Variants in GPLD1 observed in about 807,000 individuals in gnomAD.
GPLD1 encodes phosphatidylinositol-glycan-specific phospholipase D.
A neutral mutation model predicts 112.6 loss-of-function variants in GPLD1; 84 were observed. The ratio of observed to expected loss-of-function variants is 0.75; its 90% CI spans 0.63 to 0.89. GPLD1 has a LOEUF of 0.89. GPLD1 is among the 40% of genes least tolerant of loss of function. The pLI, the probability that GPLD1 is intolerant of heterozygous loss-of-function variation, is 0.00. For synonymous variants in GPLD1, 386 were observed against 403.8 expected, an observed-to-expected ratio of 0.96 and a Z score of 0.53; for missense variants, 1,044 against 1,051.5, an observed-to-expected ratio of 0.99 and a Z score of 0.10.
chr6:24,491,565 G>A (rs748336057), upstream of GPLD1, among the ~76,000 whole-genome samples: 4 of 151,950 alleles, frequency 2.6e-5, no homozygotes, highest in Admixed American at 6.6e-5. Context: ...AAAATTAGCC[G>A]GGCATGGTGG....
Position 24,476,283 on chromosome 6 carries a change from C to G in GPLD1, c.233-5G>C. On this transcript the variant is annotated splice_region_variant and splice_polypyrimidine_tract_variant and intron_variant, in intron 3 of 24. Coordinates refer to ENST00000230036, the MANE Select transcript of GPLD1 (RefSeq NM_001503.4). ...CAGACACATCATGGAATTTTCCTGA[C>G]AAAACAAAAGCAGGGCTCTAGATTC... 3 of 1,467,852 alleles carry G rather than the reference C, an allele frequency of 2.0e-6. No individual in the cohort carries two copies. The African/African-American group carries it at 4.2e-5, about 20-fold the overall frequency. The allele number at this position is 1,467,852 out of a possible 1,614,324, so 90.9% of individuals were successfully genotyped here.
chr6:24,472,703 A>G lies in GPLD1; in HGVS notation c.491-67T>C, dbSNP rs368101287. ...CAAACATAGCATGCATCTATTCAAC[A>G]TGAGGTCTGACAAGTTGGATTATTA... On this transcript the variant is annotated intron_variant, in intron 6 of 24. Transcript: ENST00000230036. 52 of 850,418 alleles carry G rather than the reference A, an allele frequency of 6.1e-5. 1 individual carries two copies. In the African/African-American group the frequency reaches 8.0e-4, roughly 13 times the overall value. 52.7% of individuals were successfully genotyped at this position (850,418 alleles called of 1,614,324 possible).
chr6:24,442,794 T>C (rs1173834773), intron 20 of GPLD1, among the ~76,000 whole-genome samples: 3 of 152,008 alleles, frequency 2.0e-5, no homozygotes, highest in Admixed American at 6.6e-5. Context: ...TTGCCCAGGC[T>C]GGTCTTGAAC....
intron 22 of GPLD1, among the ~76,000 whole-genome samples, chr6:24,436,198 G>A (rs1311788539): frequency 6.6e-6 from 1 of 152,124 alleles, no homozygotes; most frequent in African/African-American, 2.4e-5. Context: ...TGAGGCTGCA[G>A]TGGGCCATGA....
rs1197936320 is a variant in GPLD1 at position 24,481,269 on chromosome 6, G to A, written c.154-1310C>T. Among the ~76,000 whole-genome samples, 5 of 152,036 alleles carry A rather than the reference G, an allele frequency of 3.3e-5. No homozygotes were observed. In the East Asian group the frequency reaches 9.7e-4, roughly 29 times the overall value. ...AATCCTTTCCTTGCCTAAACTAGCAGAGGGGTTTCCATTATCTGCAAATGA... is the reference window on the plus strand; with the variant it reads ...AATCCTTTCCTTGCCTAAACTAGCAAAGGGGTTTCCATTATCTGCAAATGA... On this transcript the variant is annotated intron_variant, in intron 2 of 24. Transcript: ENST00000230036.
intron 14 of GPLD1, among the ~76,000 whole-genome samples, chr6:24,452,967 C>CA (rs1763140274): frequency 6.6e-6 from 1 of 151,758 alleles, no homozygotes; most frequent in African/African-American, 2.4e-5. Context: ...AAAAGCCCCA[C>CA]ACTCATTGGT....
chr6:24,464,503 TTTA>T lies in GPLD1; in HGVS notation c.822-1711_822-1709del, dbSNP rs1213395261. On this transcript the variant is annotated intron_variant, in intron 10 of 24. Coordinates refer to ENST00000230036, the MANE Select transcript of GPLD1 (RefSeq NM_001503.4). Reference sequence around the variant, plus strand: ...TTACTCACCGATTGTTAAAAACAAGTTTATTATGTACCAAGCTAAGGTCGAATT... The same window carrying T: ...TTACTCACCGATTGTTAAAAACAAGTTTATGTACCAAGCTAAGGTCGAATT... 5.3e-5 allele frequency among the ~76,000 whole-genome samples: 8 copies of T among 152,294 alleles called. No homozygotes were observed. In the East Asian group the frequency reaches 1.5e-3, roughly 29 times the overall value.
intron 7 of GPLD1, among the ~76,000 whole-genome samples, chr6:24,470,800 T>C (rs1763791023): frequency 6.6e-6 from 1 of 152,074 alleles, no homozygotes; most frequent in Non-Finnish European, 1.5e-5. Context: ...GGTTTAACCA[T>C]GTTGGCCAGG....
intron 11 of GPLD1, among the ~76,000 whole-genome samples, chr6:24,460,816 T>G (rs1243966559): frequency 6.6e-6 from 1 of 151,580 alleles, no homozygotes; most frequent in Non-Finnish European, 1.5e-5. Context: ...CTCGGCTCAT[T>G]GCAACCTTCG....
chr6:24,435,971 G>A (rs2127317539), intron 22 of GPLD1: 1 of 149,456 alleles, frequency 6.7e-6, no homozygotes, highest in East Asian at 2.0e-4. Flanking sequence ...AAACTCCAGT[G>A]GCTGGCCGAG....
upstream of GPLD1, among the ~76,000 whole-genome samples, chr6:24,490,705 T>C (rs1353206432): frequency 5.3e-5 from 8 of 151,050 alleles, no homozygotes; most frequent in African/African-American, 1.5e-4. Flanking sequence ...TGAGCCGAGA[T>C]TGCACCACTG....
At position 24,428,184 on chromosome 6, in the gene GPLD1, A is replaced by G. The variant is rs1266372649; in HGVS notation, c.*848T>C. 1 of 115,028 alleles carries G rather than the reference A, an allele frequency of 8.7e-6. No individual in the cohort carries two copies. 7.1% of individuals were successfully genotyped at this position (115,028 alleles called of 1,614,324 possible). On this transcript the variant is annotated 3_prime_UTR_variant, in exon 25 of 25. Transcript: ENST00000230036. ...TTTTTTTTTTTTTTTTCTGTATACTATGCTTTCTATTATACTTTGATTGGC... is the reference window on the plus strand; with the variant it reads ...TTTTTTTTTTTTTTTTCTGTATACTGTGCTTTCTATTATACTTTGATTGGC...
At chr6:24,432,509 GA>G (rs1291346372) in intron 24 of GPLD1, among the ~76,000 whole-genome samples, 1 of 152,134 alleles carries the variant, frequency 6.6e-6, no homozygotes, top group Non-Finnish European at 1.5e-5. Flanking sequence ...GCTGAGGCAG[GA>G]AAATCACTTG....
At chr6:24,470,608 TA>T (rs1473177527) in intron 7 of GPLD1, among the ~76,000 whole-genome samples, 1 of 152,172 alleles carries the variant, frequency 6.6e-6, no homozygotes, top group East Asian at 1.9e-4. Context: ...TTTCTTTTTT[TA>T]TTTTTTGAGA....
intron 21 of GPLD1, 64 bp from the exon 22 acceptor site, chr6:24,436,800 C>G: frequency 2.6e-6 from 4 of 1,528,746 alleles, no homozygotes; most frequent in Non-Finnish European, 3.6e-6. Flanking sequence ...TTTCCTTGTT[C>G]CGCTACTGGA....
At chr6:24,472,681 A>T in intron 6 of GPLD1, 45 bp from the exon 7 acceptor site, 1 of 1,002,418 alleles carries the variant, frequency 1.0e-6, no homozygotes, top group Non-Finnish European at 1.6e-6. Flanking sequence ...TTAGTGACAA[A>T]CATAGCATGC....
chr6:24,486,211 A>G, intron 1 of GPLD1, 81 bp from the exon 2 acceptor site: 1 of 880,200 alleles, frequency 1.1e-6, no homozygotes. Flanking sequence ...TTAAAAGAAA[A>G]ATACACAATT....
At chr6:24,457,885 C>T (rs957038652) in intron 12 of GPLD1, among the ~76,000 whole-genome samples, 13 of 149,944 alleles carry the variant, frequency 8.7e-5, no homozygotes, top group Admixed American at 1.3e-4. Context: ...AAAAAAAAAA[C>T]GATATCCTCC....
At chr6:24,495,035 G>A in exon 1 of GPLD1, 1 of 1,349,612 alleles carries the variant, frequency 7.4e-7, no homozygotes, top group South Asian at 2.2e-5. Context: ...GTGGGGCCCG[G>A]CGCCTCGGGT....
Sources: allele counts gnomAD v4.1 joint callset (sites outside exome capture counted in the v4.1 genomes callset), GRCh38; gene constraint gnomAD v4.1.1; transcripts MANE v1.5; gene names NCBI Gene and HGNC (gene_info 2026-07-23, HGNC 2026-07-21).